The following FAM53B variants were observed in gnomAD, a reference collection of about 807,000 sequenced individuals.
FAM53B encodes protein FAM53B.
A neutral mutation model predicts 32.7 loss-of-function variants in FAM53B; 12 were observed. That is an observed-to-expected ratio of 0.37 (90% confidence interval 0.24 to 0.59). The LOEUF (loss-of-function observed/expected upper bound fraction) is 0.59. Ranked by LOEUF, FAM53B falls within the 20% of genes least tolerant of loss-of-function variation. The pLI, the probability that FAM53B is intolerant of heterozygous loss-of-function variation, is 0.72. For synonymous variants in FAM53B, 234 were observed against 228.7 expected (o/e 1.02, Z -0.21); for missense variants, 477 against 577.7 (o/e 0.83, Z 1.79).
intron 2 of FAM53B, among the ~76,000 whole-genome samples, chr10:124,699,845 G>A (rs1036590140): frequency 4.6e-5 from 7 of 152,200 alleles, no homozygotes; most frequent in Non-Finnish European, 7.3e-5. Context: ...GCCTGCCCGT[G>A]AGCACCTGCT....
At chr10:124,636,120 A>C (rs1372933930) in intron 4 of FAM53B, among the ~76,000 whole-genome samples, 1 of 152,218 alleles carries the variant, frequency 6.6e-6, no homozygotes, top group Non-Finnish European at 1.5e-5. Flanking sequence ...ATTTATCTTA[A>C]GAGCAGAGCA....
intron 1 of FAM53B, among the ~76,000 whole-genome samples, chr10:124,724,085 G>A (rs2134097461): frequency 6.6e-6 from 1 of 152,302 alleles, no homozygotes; most frequent in African/African-American, 2.4e-5. Context: ...TTTCCCACAA[G>A]GCATAGTGTG....
At chr10:124,724,794 C>A (rs1950091924) in intron 1 of FAM53B, among the ~76,000 whole-genome samples, 1 of 152,218 alleles carries the variant, frequency 6.6e-6, no homozygotes, top group Non-Finnish European at 1.5e-5. Flanking sequence ...ATGGGAGTGG[C>A]CACACACAGC....
chr10:124,693,976 A>G (rs1949851732), intron 3 of FAM53B, among the ~76,000 whole-genome samples: 1 of 152,234 alleles, frequency 6.6e-6, no homozygotes. Context: ...AGTCAGTGAA[A>G]CACGTCAGTG....
chr10:124,689,429 G>A (rs1046420778), intron 3 of FAM53B, among the ~76,000 whole-genome samples: 2 of 152,168 alleles, frequency 1.3e-5, no homozygotes, highest in Non-Finnish European at 2.9e-5. Flanking sequence ...AAAAGTCCTC[G>A]GGCTTTGCCT....
At chr10:124,666,492 A>G (rs1949673731) in intron 4 of FAM53B, among the ~76,000 whole-genome samples, 1 of 152,188 alleles carries the variant, frequency 6.6e-6, no homozygotes, top group South Asian at 2.1e-4. Context: ...AGCAGGGGAC[A>G]TGTGGGGACA....
At chr10:124,680,156 C>T in intron 4 of FAM53B, among the ~76,000 whole-genome samples, 1 of 152,204 alleles carries the variant, frequency 6.6e-6, no homozygotes, top group East Asian at 1.9e-4. Flanking sequence ...AAACGTTCCA[C>T]TACACAGCAA....
rs565871948 is a variant in FAM53B, at chr10:124,623,104, C to T, written c.*138G>A. On this transcript the variant is annotated 3_prime_UTR_variant, in exon 5 of 5. Coordinates refer to ENST00000337318, the MANE Select transcript of FAM53B (RefSeq NM_014661.4). ...CTCTCCCCCAGGCAGCAGGTGGGCT[C>T]CCTCTCTGGGACCCGACACCACTCA... 7 of 1,170,088 alleles carry T rather than the reference C, an allele frequency of 6.0e-6. No individual in the cohort carries two copies. In the Admixed American group the frequency reaches 1.7e-4, roughly 29 times the overall value. The allele number at this position is 1,170,088 out of a possible 1,614,324, so 72.5% of individuals were successfully genotyped here.
intron 3 of FAM53B, among the ~76,000 whole-genome samples, chr10:124,693,466 CAAAA>C (rs60351967): frequency 1.1e-5 from 1 of 94,768 alleles, no homozygotes; most frequent in Non-Finnish European, 2.2e-5. Flanking sequence ...GACTCTGTCT[CAAAA>C]AAAAAAAAAA....
At chr10:124,720,610 CT>C (rs1490459602) in intron 1 of FAM53B, among the ~76,000 whole-genome samples, 1 of 152,198 alleles carries the variant, frequency 6.6e-6, no homozygotes, top group Non-Finnish European at 1.5e-5. Context: ...TTCCAGTGTG[CT>C]GGATGAACAG....
At chr10:124,723,906 G>A (rs17152246) in intron 1 of FAM53B, among the ~76,000 whole-genome samples, 7,324 of 152,258 alleles carry the variant, frequency 0.048, 230 homozygotes, top group East Asian at 0.12. Flanking sequence ...TAGTTGAACC[G>A]GCAAATCTCA....
intron 1 of FAM53B, among the ~76,000 whole-genome samples, chr10:124,735,666 C>T (rs1950169125): frequency 6.6e-6 from 1 of 152,258 alleles, no homozygotes; most frequent in African/African-American, 2.4e-5. Flanking sequence ...AGCCTCCCTT[C>T]AGTCCTCGCA....
intron 1 of FAM53B, among the ~76,000 whole-genome samples, chr10:124,718,313 C>G (rs1029640140): frequency 9.9e-5 from 15 of 152,178 alleles, no homozygotes; most frequent in African/African-American, 2.7e-4. Flanking sequence ...CCTTCCTGAT[C>G]TGACTGAGTC....
intron 4 of FAM53B, among the ~76,000 whole-genome samples, chr10:124,678,110 CAAAG>C (rs1949747987): frequency 6.6e-6 from 1 of 152,168 alleles, no homozygotes; most frequent in Non-Finnish European, 1.5e-5. Context: ...ACTGGACAAA[CAAAG>C]AAAAACAGGC....
chr10:124,631,701 C>A (rs1323843956), intron 4 of FAM53B, among the ~76,000 whole-genome samples: 1 of 152,196 alleles, frequency 6.6e-6, no homozygotes, highest in Non-Finnish European at 1.5e-5. Flanking sequence ...TGCTCCCACT[C>A]AGGCTCTGAC....
chr10:124,697,524 C>T (rs1949881662), intron 2 of FAM53B, among the ~76,000 whole-genome samples: 5 of 152,114 alleles, frequency 3.3e-5, no homozygotes, highest in African/African-American at 1.2e-4. Context: ...AGGTCAACGC[C>T]GTGTTCATCC....
chr10:124,711,124 C>T (rs1322840519), intron 1 of FAM53B, among the ~76,000 whole-genome samples: 1 of 152,148 alleles, frequency 6.6e-6, no homozygotes, highest in East Asian at 1.9e-4. Flanking sequence ...CTGTGGAATA[C>T]TACTCGGCAA....
At chr10:124,687,780 C>G (rs1215079621) in intron 3 of FAM53B, among the ~76,000 whole-genome samples, 2 of 152,180 alleles carry the variant, frequency 1.3e-5, no homozygotes, top group African/African-American at 4.8e-5. Flanking sequence ...AATAAGCTCC[C>G]CAGGTTATTT....
chr10:124,628,975 T>A (rs1949373509), intron 4 of FAM53B, among the ~76,000 whole-genome samples: 1 of 152,238 alleles, frequency 6.6e-6, no homozygotes, highest in Non-Finnish European at 1.5e-5. Context: ...TCTGTGTCAC[T>A]GGCACGAGAA....
Sources: allele counts gnomAD v4.1 joint callset (sites outside exome capture counted in the v4.1 genomes callset), GRCh38; gene constraint gnomAD v4.1.1; transcripts MANE v1.5; gene names NCBI Gene and HGNC (gene_info 2026-07-23, HGNC 2026-07-21).